Variants in NGF observed in about 807,000 individuals in gnomAD.
NGF encodes the protein nerve growth factor, also known as beta-nerve growth factor.
A neutral mutation model predicts 12.8 loss-of-function variants in NGF; 4 were observed. That is an observed-to-expected ratio of 0.31 (90% confidence interval 0.15 to 0.72). The LOEUF is 0.72. Among genes scored for constraint, NGF ranks in the 30% least tolerant of loss-of-function variants. The probability of loss-of-function intolerance (pLI) is 0.69; values close to 1 mark genes in which losing one functional copy is unlikely to be tolerated. For synonymous variants in NGF, 140 were observed against 130.0 expected, an observed-to-expected ratio of 1.08 and a Z score of -0.52; for missense variants, 283 against 330.8, an observed-to-expected ratio of 0.86 and a Z score of 1.12.
intron 1 of NGF, 74 bp from the exon 2 acceptor site, chr1:115,293,824 T>A (rs575808946): frequency 6.5e-6 from 1 of 152,774 alleles, no homozygotes; most frequent in Non-Finnish European, 1.5e-5. Flanking sequence ...GGGAGGCATG[T>A]GCCAATAGGA....
chr1:115,337,481 G>A (rs1029927637), intron 1 of NGF, among the ~76,000 whole-genome samples: 2 of 151,862 alleles, frequency 1.3e-5, no homozygotes, highest in African/African-American at 4.8e-5. Context: ...GCAGACAGCT[G>A]GAGATGAAGC....
At chr1:115,314,171 A>C (rs1654409156) in intron 1 of NGF, among the ~76,000 whole-genome samples, 1 of 152,170 alleles carries the variant, frequency 6.6e-6, no homozygotes, top group East Asian at 1.9e-4. Flanking sequence ...GACTTGCTGT[A>C]GTTTGTCTAC....
chr1:115,311,912 C>T (rs1220536435), intron 1 of NGF, among the ~76,000 whole-genome samples: 4 of 152,092 alleles, frequency 2.6e-5, no homozygotes, highest in African/African-American at 9.7e-5. Flanking sequence ...TTAACAACTC[C>T]CCAAGTGTTA....
intron 1 of NGF, among the ~76,000 whole-genome samples, chr1:115,301,219 C>T (rs189710678): frequency 1.5e-3 from 234 of 152,182 alleles, no homozygotes; most frequent in Non-Finnish European, 2.6e-3. Context: ...TCTAGAGACC[C>T]AGAACATTGT....
At chr1:115,326,789 C>A (rs1292398808) in intron 1 of NGF, among the ~76,000 whole-genome samples, 1 of 152,196 alleles carries the variant, frequency 6.6e-6, no homozygotes, top group Non-Finnish European at 1.5e-5. Context: ...AGCACGAGCA[C>A]CTGGAGTTTC....
intron 1 of NGF, among the ~76,000 whole-genome samples, chr1:115,333,032 A>G (rs764189767): frequency 1.3e-5 from 2 of 152,176 alleles, no homozygotes; most frequent in Non-Finnish European, 2.9e-5. Context: ...TCCATTACTA[A>G]TGAGGGTTGT....
chr1:115,294,822 A>G (rs1400727832), intron 1 of NGF, among the ~76,000 whole-genome samples: 1 of 152,206 alleles, frequency 6.6e-6, no homozygotes, highest in East Asian at 1.9e-4. Flanking sequence ...CTAGAAAATG[A>G]GCTGGAGAGC....
intron 1 of NGF, among the ~76,000 whole-genome samples, chr1:115,336,274 A>G (rs910731188): frequency 2.9e-4 from 44 of 152,146 alleles, no homozygotes; most frequent in African/African-American, 9.7e-4. Flanking sequence ...TGGTTCTAAA[A>G]TCCTCTGAGG....
chr1:115,311,375 G>GTA (rs1253441576), intron 1 of NGF, among the ~76,000 whole-genome samples: 2 of 152,120 alleles, frequency 1.3e-5, no homozygotes, highest in Non-Finnish European at 2.9e-5. Flanking sequence ...GCTCTTAAAT[G>GTA]TATGCTCAGT....
intron 2 of NGF, among the ~76,000 whole-genome samples, chr1:115,288,937 C>T (rs1653600879): frequency 6.6e-6 from 1 of 152,220 alleles, no homozygotes; most frequent in African/African-American, 2.4e-5. Context: ...ACATTCTTCT[C>T]CTCCATACTG....
chr1:115,295,514 C>A (rs1413527695), intron 1 of NGF, among the ~76,000 whole-genome samples: 4 of 152,074 alleles, frequency 2.6e-5, no homozygotes, highest in Non-Finnish European at 5.9e-5. Flanking sequence ...TATCTGGTCC[C>A]ATTACTCATG....
At chr1:115,295,762 G>A (rs1653848100) in intron 1 of NGF, among the ~76,000 whole-genome samples, 1 of 152,082 alleles carries the variant, frequency 6.6e-6, no homozygotes, top group Admixed American at 6.6e-5. Context: ...GACTTTGAAT[G>A]TTTTCCAGGC....
At chr1:115,326,928 C>T (rs978327768) in intron 1 of NGF, among the ~76,000 whole-genome samples, 1 of 152,134 alleles carries the variant, frequency 6.6e-6, no homozygotes, top group East Asian at 1.9e-4. Flanking sequence ...TTCTCATTTT[C>T]CAGATTAAGA....
intron 1 of NGF, among the ~76,000 whole-genome samples, chr1:115,312,372 A>C (rs929908492): frequency 6.6e-6 from 1 of 152,208 alleles, no homozygotes; most frequent in Non-Finnish European, 1.5e-5. Context: ...GTCCAATCCC[A>C]TGCTAGGTAC....
At chr1:115,302,952 T>C (rs970871834) in intron 1 of NGF, among the ~76,000 whole-genome samples, 3 of 152,238 alleles carry the variant, frequency 2.0e-5, no homozygotes, top group African/African-American at 7.2e-5. Flanking sequence ...TGTCCACCAC[T>C]TTCAGCCCTG....
At chr1:115,324,575 A>C (rs962515324) in intron 1 of NGF, among the ~76,000 whole-genome samples, 2 of 152,014 alleles carry the variant, frequency 1.3e-5, no homozygotes, top group African/African-American at 4.8e-5. Context: ...CTTCCATCAG[A>C]GCCTGGACCC....
chr1:115,318,299 C>T (rs896254663), intron 1 of NGF, among the ~76,000 whole-genome samples: 2 of 152,164 alleles, frequency 1.3e-5, no homozygotes, highest in Non-Finnish European at 2.9e-5. Flanking sequence ...ATGGTGACTG[C>T]CCACAGTCCC....
chr1:115,305,626 A>T (rs1005128521), intron 1 of NGF, among the ~76,000 whole-genome samples: 2 of 152,330 alleles, frequency 1.3e-5, no homozygotes, highest in African/African-American at 4.8e-5. Flanking sequence ...ATCTGTCATG[A>T]CATTCTCTTT....
intron 1 of NGF, among the ~76,000 whole-genome samples, chr1:115,319,183 G>A (rs1342065230): frequency 9.9e-5 from 15 of 152,254 alleles, no homozygotes; most frequent in Admixed American, 9.8e-4. Flanking sequence ...TGACCAGAGA[G>A]AAGGGAATTC....
Sources: allele counts gnomAD v4.1 joint callset (sites outside exome capture counted in the v4.1 genomes callset), GRCh38; gene constraint gnomAD v4.1.1; transcripts MANE v1.5; gene names NCBI Gene and HGNC (gene_info 2026-07-23, HGNC 2026-07-21).